SLC17A1: variants seen among roughly 807,000 people sequenced by gnomAD.
SLC17A1 encodes the protein solute carrier family 17 member 1.
A neutral mutation model predicts 53.5 loss-of-function variants in SLC17A1; 51 were observed. That is an observed-to-expected ratio of 0.95 (90% CI 0.76 to 1.20). The LOEUF is 1.20. SLC17A1 is among the 50% of genes most tolerant of loss of function. The probability of loss-of-function intolerance (pLI) is 0.00; values close to 1 mark genes in which losing one functional copy is unlikely to be tolerated. For missense variants in SLC17A1, 538 were observed against 568.2 expected, an observed-to-expected ratio of 0.95 and a Z score of 0.54; for synonymous variants, 179 against 198.8, an observed-to-expected ratio of 0.90 and a Z score of 0.84.
the SLC17A1 span, among the ~76,000 whole-genome samples, chr6:25,724,371 C>T: frequency 2.6e-5 from 4 of 152,090 alleles, no homozygotes; most frequent in East Asian, 1.9e-4. Context: ...TGTAATGAGC[C>T]GAGATCACGC....
the SLC17A1 span, among the ~76,000 whole-genome samples, chr6:25,766,109 T>A: frequency 6.6e-6 from 1 of 150,646 alleles, no homozygotes; most frequent in Admixed American, 6.6e-5. Context: ...AATTAACTTA[T>A]TAAAATTTAA....
chr6:25,800,269 T>C (rs373142774), intron 11 of SLC17A1, among the ~76,000 whole-genome samples: 44 of 152,054 alleles, frequency 2.9e-4, no homozygotes, highest in African/African-American at 9.2e-4. Context: ...TTACCCAGGA[T>C]AGGCAAAGAC....
intron 10 of SLC17A1, among the ~76,000 whole-genome samples, chr6:25,810,082 A>G (rs1259019663): frequency 7.2e-5 from 11 of 152,020 alleles, no homozygotes; most frequent in Non-Finnish European, 2.9e-5. Context: ...ATGGAATTAC[A>G]CTCATCGCGT....
chr6:25,778,370 A>G (rs1457185166), downstream of SLC17A1, among the ~76,000 whole-genome samples: 1 of 152,000 alleles, frequency 6.6e-6, no homozygotes. Flanking sequence ...AAAATAAATG[A>G]AGAATAACAA....
At chr6:25,779,133 T>A, downstream of SLC17A1, 3 of 1,613,956 alleles carry the variant, frequency 1.9e-6, no homozygotes, top group Non-Finnish European at 2.5e-6. Context: ...TACCTCATCT[T>A]TGGCCGAGCA....
chr6:25,773,372 T>C, the SLC17A1 span: 1 of 1,613,870 alleles, frequency 6.2e-7, no homozygotes, highest in South Asian at 1.1e-5. Flanking sequence ...AGAGATACAT[T>C]GTGTGTTCAT....
At chr6:25,727,398 G>GA in the SLC17A1 span, 3 of 888,120 alleles carry the variant, frequency 3.4e-6, no homozygotes, top group Admixed American at 3.9e-5. Context: ...TAACCGTAAG[G>GA]GTTTTTTTTT....
At chr6:25,800,535 T>C (rs541163093) in intron 11 of SLC17A1, among the ~76,000 whole-genome samples, 21 of 152,258 alleles carry the variant, frequency 1.4e-4, no homozygotes, top group Admixed American at 4.6e-4. Context: ...CACTTGTGAT[T>C]TTTCATTCTT....
the SLC17A1 span, chr6:25,731,886 C>T: frequency 6.2e-7 from 1 of 1,603,086 alleles, no homozygotes; most frequent in Non-Finnish European, 8.5e-7. Flanking sequence ...CTGGATCTCC[C>T]TGGAGGTGAT....
chr6:25,765,665 CAG>C, the SLC17A1 span, among the ~76,000 whole-genome samples: 1 of 151,996 alleles, frequency 6.6e-6, no homozygotes, highest in Non-Finnish European at 1.5e-5. Flanking sequence ...AATGTCACTG[CAG>C]AGTTAAAATG....
chr6:25,795,063 A>C (rs924895169), intron 12 of SLC17A1, among the ~76,000 whole-genome samples: 1 of 152,208 alleles, frequency 6.6e-6, no homozygotes, highest in African/African-American at 2.4e-5. Context: ...AACCATCAGC[A>C]CAGCAACACA....
chr6:25,762,058 A>G, the SLC17A1 span: 8 of 1,611,428 alleles, frequency 5.0e-6, no homozygotes, highest in Non-Finnish European at 6.8e-6. Flanking sequence ...GGAAAGGTAA[A>G]ATCATGCACA....
intron 6 of SLC17A1, among the ~76,000 whole-genome samples, chr6:25,817,710 C>A (rs1764406100): frequency 6.6e-6 from 1 of 152,158 alleles, no homozygotes; most frequent in Non-Finnish European, 1.5e-5. Flanking sequence ...GAGCTGAAAC[C>A]TCACCCCTGC....
the SLC17A1 span, among the ~76,000 whole-genome samples, chr6:25,751,315 G>C: frequency 6.6e-6 from 1 of 152,200 alleles, no homozygotes; most frequent in Non-Finnish European, 1.5e-5. Flanking sequence ...GTGCAGAAAG[G>C]ATAGTTTACT....
chr6:25,749,230 G>A, the SLC17A1 span, among the ~76,000 whole-genome samples: 19 of 152,306 alleles, frequency 1.2e-4, no homozygotes, highest in African/African-American at 4.6e-4. Context: ...AGAGAATGGC[G>A]ATGACTTTTA....
At chr6:25,735,797 T>C in the SLC17A1 span, among the ~76,000 whole-genome samples, 2 of 152,152 alleles carry the variant, frequency 1.3e-5, no homozygotes, top group Non-Finnish European at 2.9e-5. Context: ...CAGAACAAGA[T>C]TGGGATGATG....
the SLC17A1 span, among the ~76,000 whole-genome samples, chr6:25,736,814 C>A: frequency 6.6e-6 from 1 of 152,212 alleles, no homozygotes; most frequent in Non-Finnish European, 1.5e-5. Flanking sequence ...ACCCTATTAT[C>A]TTTTCCATTA....
chr6:25,786,835 G>A (rs1763393504), intron 12 of SLC17A1, among the ~76,000 whole-genome samples: 1 of 152,094 alleles, frequency 6.6e-6, no homozygotes. Flanking sequence ...ACAGAAGAAA[G>A]TGCTCACACC....
intron 12 of SLC17A1, 64 bp downstream of exon 12, chr6:25,798,719 C>T (rs1763661972): frequency 6.9e-7 from 1 of 1,452,412 alleles, no homozygotes; most frequent in Non-Finnish European, 9.4e-7. Context: ...AGGAGTCATC[C>T]TTATCTCCTC....
Sources: gnomAD v4.1 joint callset for allele counts (sites outside exome capture counted in the v4.1 genomes callset) on GRCh38, gnomAD v4.1.1 for gene constraint, MANE v1.5 for transcripts, NCBI Gene and HGNC (gene_info 2026-07-23, HGNC 2026-07-21) for gene names.